Variants in ZEB2 observed in about 807,000 individuals in gnomAD.
ZEB2 encodes the protein zinc finger E-box binding homeobox 2.
Under a neutral mutation model 99.9 loss-of-function variants are expected in ZEB2, and 6 were observed. The observed-to-expected ratio is 0.06, with a 90% CI of 0.03 to 0.12. The LOEUF (loss-of-function observed/expected upper bound fraction) is 0.12, where lower values mean the gene tolerates loss of function less well. ZEB2 is among the 10% of genes least tolerant of loss of function. ZEB2 has a pLI of 1.00. For synonymous variants in ZEB2, 517 were observed against 542.5 expected, an observed-to-expected ratio of 0.95 and a Z score of 0.65; for missense variants, 969 against 1,502.8, an observed-to-expected ratio of 0.64 and a Z score of 5.87.
intron 2 of ZEB2, among the ~76,000 whole-genome samples, chr2:144,464,541 T>C (rs1052183542): frequency 2.0e-5 from 3 of 152,196 alleles, no homozygotes; most frequent in African/African-American, 7.2e-5. Flanking sequence ...TTAGCTCAGC[T>C]ATAAAAGGGT....
In ZEB2 at chr2:144,504,093, A is replaced by AC. The variant is rs1164788577; in HGVS notation, c.73+13184_73+13185insG. 2.0e-3 allele frequency: 31 copies of AC among 15,376 alleles called. 1 individual carries two copies. Among genetic ancestry groups the AC allele is most frequent in the East Asian group, 9.7e-3 (9 of 924 alleles). 1.0% of individuals were successfully genotyped at this position (15,376 alleles called of 1,614,324 possible). A position where few individuals can be genotyped will look rare whatever the true frequency, so the allele number is the denominator to read the frequency against. ...GTTAACAATTAGAAAAAAAAAAAAA[A>AC]ACAACAAAAAAAACAAACCACCTTA... On this transcript the variant is annotated intron_variant, in intron 2 of 9. Coordinates refer to ENST00000627532, the MANE Select transcript of ZEB2 (RefSeq NM_014795.4).
chr2:144,511,304 T>C, intron 2 of ZEB2: 1 of 890,524 alleles, frequency 1.1e-6, no homozygotes, highest in South Asian at 2.3e-5. Flanking sequence ...CACGCATGGA[T>C]GGCTTTTCTT....
chr2:144,509,637 T>C (rs1705001476), intron 2 of ZEB2, among the ~76,000 whole-genome samples: 1 of 151,982 alleles, frequency 6.6e-6, no homozygotes, highest in African/African-American at 2.4e-5. Flanking sequence ...GTGTGGTGCA[T>C]GTGTGTGAGC....
At chr2:144,435,599 TAA>T (rs1271899949) in intron 2 of ZEB2, among the ~76,000 whole-genome samples, 108 of 134,388 alleles carry the variant, frequency 8.0e-4, no homozygotes, top group Admixed American at 8.3e-4. Flanking sequence ...ACCCTGTCTT[TAA>T]AAAAAAAAAA....
At chr2:144,414,435 C>T (rs1703508496) in intron 4 of ZEB2, among the ~76,000 whole-genome samples, 1 of 152,090 alleles carries the variant, frequency 6.6e-6, no homozygotes, top group Non-Finnish European at 1.5e-5. Flanking sequence ...TGTGCAGGTC[C>T]CAGACCCAGG....
At chr2:144,513,952 G>T in intron 2 of ZEB2, 2 of 1,421,134 alleles carry the variant, frequency 1.4e-6, no homozygotes, top group South Asian at 1.4e-5. Flanking sequence ...ATTCTTGTCT[G>T]CGGGCAACTC....
chr2:144,395,616 T>G (rs766744502), intron 9 of ZEB2, among the ~76,000 whole-genome samples: 29 of 151,826 alleles, frequency 1.9e-4, no homozygotes, highest in South Asian at 6.3e-4. Context: ...TTCAGGGAGG[T>G]GGGGATGGAG....
chr2:144,399,633 A>G lies in ZEB2; in HGVS notation c.1554T>C (p.His518=), dbSNP rs1431508601. ...IPPVGLPVVS[H]NGATKSIIDY... is the part of the protein sequence containing the mutation. Reference sequence around the variant, plus strand: ...CAATAATACTTTTAGTGGCACCATTATGACTCACTACCGGAAGACCGACAG... The same window carrying G: ...CAATAATACTTTTAGTGGCACCATTGTGACTCACTACCGGAAGACCGACAG... The change falls in exon 8 of 10, where the codon CAT becomes CAC. Residue 518 remains histidine, a synonymous_variant. Coordinates refer to ENST00000627532, the MANE Select transcript of ZEB2 (RefSeq NM_014795.4). This position sits in a 1 kb window ranked among gnomAD's most constrained non-coding sequence, Gnocchi z 5.6. The G allele has an allele frequency of 2.5e-6, 4 of 1,614,086 alleles. No homozygotes were observed. The African/African-American group carries it at 4.0e-5, about 16-fold the overall frequency.
chr2:144,417,823 G>C (rs962837331), intron 4 of ZEB2, among the ~76,000 whole-genome samples: 1 of 152,076 alleles, frequency 6.6e-6, no homozygotes, highest in Non-Finnish European at 1.5e-5. Flanking sequence ...GCTAGAACGG[G>C]GGTTCTCGAA....
In ZEB2 at chr2:144,398,957, T is replaced by C. The variant is rs112005830; in HGVS notation, c.2230A>G (p.Ile744Val). 1,828 of 1,614,180 alleles carry C rather than the reference T, an allele frequency of 1.1e-3. 8 individuals are homozygous for C. The highest frequency in any genetic ancestry group is 8.1e-3 in the South Asian group (739 of 91,082). The change falls in exon 8 of 10, where the codon ATA (isoleucine) becomes GTA (valine). Residue 744 changes from isoleucine (I) to valine (V), a missense_variant. Physicochemically the swap from Ile to Val is conservative, Grantham distance 29 (BLOSUM62 3). Around this residue, in one of 8 missense-constraint regions of ZEB2, gnomAD observed 346 missense variants for 460.0 expected, o/e 0.75. Transcript: ENST00000627532. ...KPMDSITSPS[I>V]AELHNSVTNC... ...GTAACACTGTTGTGGAGTTCTGCTA[T>C]AGATGGTGATGTTATGGAGTCCATA... is the stretch of plus-strand genomic sequence containing the variant.
At chr2:144,505,039 A>T (rs1194100973) in intron 2 of ZEB2, among the ~76,000 whole-genome samples, 1 of 152,148 alleles carries the variant, frequency 6.6e-6, no homozygotes. Flanking sequence ...TTTCTTAGAG[A>T]TTGCAGAAGT....
chr2:144,423,578 T>C (rs557907581), intron 4 of ZEB2, among the ~76,000 whole-genome samples: 10 of 152,318 alleles, frequency 6.6e-5, no homozygotes, highest in African/African-American at 2.2e-4. Flanking sequence ...TACAATCTAG[T>C]CATTGTCAGG....
chr2:144,431,045 A>C (rs1199501875), intron 2 of ZEB2: 1 of 152,226 alleles, frequency 6.6e-6, no homozygotes, highest in Admixed American at 6.5e-5. Flanking sequence ...ACACACACAA[A>C]AAAACAAGTT....
At chr2:144,471,284 A>AT (rs1250835573) in intron 2 of ZEB2, among the ~76,000 whole-genome samples, 1 of 152,154 alleles carries the variant, frequency 6.6e-6, no homozygotes, top group Non-Finnish European at 1.5e-5. Context: ...CTGGTTATCC[A>AT]TTTTTTAAAG....
intron 2 of ZEB2, among the ~76,000 whole-genome samples, chr2:144,483,290 T>G (rs1171639388): frequency 6.6e-6 from 1 of 152,184 alleles, no homozygotes; most frequent in Non-Finnish European, 1.5e-5. Flanking sequence ...CCAATAGTCA[T>G]CCAACTTTTC....
chr2:144,445,468 C>T (rs185254663), intron 2 of ZEB2, among the ~76,000 whole-genome samples: 2,427 of 152,188 alleles, frequency 0.016, 64 homozygotes, highest in African/African-American at 0.054. Context: ...CTCCCTCTCT[C>T]TCTCTTTGAA....
At chr2:144,418,615 G>A (rs1395344576) in intron 4 of ZEB2, among the ~76,000 whole-genome samples, 9 of 151,990 alleles carry the variant, frequency 5.9e-5, no homozygotes, top group Non-Finnish European at 1.3e-4. Flanking sequence ...TTGAACCCAG[G>A]AGGCGGAGGT....
chr2:144,475,787 A>G (rs1487535848), intron 2 of ZEB2, among the ~76,000 whole-genome samples: 1 of 152,166 alleles, frequency 6.6e-6, no homozygotes, highest in Non-Finnish European at 1.5e-5. Flanking sequence ...TCAAACCCAT[A>G]CATGTGACAG....
chr2:144,444,629 A>T (rs1703960070), intron 2 of ZEB2, among the ~76,000 whole-genome samples: 1 of 152,232 alleles, frequency 6.6e-6, no homozygotes, highest in Admixed American at 6.5e-5. Context: ...ATGAGTGTGT[A>T]AATCACATCT....
Sources: allele counts gnomAD v4.1 joint callset (sites outside exome capture counted in the v4.1 genomes callset), GRCh38; gene constraint gnomAD v4.1.1; regional missense constraint gnomAD v4.1.1; non-coding constraint Gnocchi (gnomAD v3.1); transcripts MANE v1.5; gene names NCBI Gene and HGNC (gene_info 2026-07-23, HGNC 2026-07-21).